PRIM2: variants seen among roughly 807,000 people sequenced by gnomAD.
PRIM2 encodes DNA primase large subunit.
Under a neutral mutation model 67.3 loss-of-function variants are expected in PRIM2, and 39 were observed. The ratio of observed to expected loss-of-function variants is 0.58; its 90% confidence interval spans 0.45 to 0.76. PRIM2 has a LOEUF of 0.76. PRIM2 is among the 30% of genes least tolerant of loss of function. The probability of loss-of-function intolerance (pLI) is 0.00; values close to 1 mark genes in which losing one functional copy is unlikely to be tolerated. For synonymous variants in PRIM2, 143 were observed against 198.7 expected (o/e 0.72, Z 2.36); for missense variants, 398 against 598.7 (o/e 0.66, Z 3.50).
At chr6:57,459,560 C>T (rs1248354114) in intron 7 of PRIM2, among the ~76,000 whole-genome samples, 4 of 152,060 alleles carry the variant, frequency 2.6e-5, no homozygotes, top group African/African-American at 7.2e-5. Context: ...TACAACATAC[C>T]TGGCTTATGA....
At chr6:57,332,891 T>C (rs1014559765) in intron 5 of PRIM2, among the ~76,000 whole-genome samples, 1 of 152,172 alleles carries the variant, frequency 6.6e-6, no homozygotes, top group Non-Finnish European at 1.5e-5. Flanking sequence ...TAACTTAGTA[T>C]TTCCGTGTGC....
At chr6:57,516,930 G>C (rs1200037976) in intron 8 of PRIM2, among the ~76,000 whole-genome samples, 31 of 152,146 alleles carry the variant, frequency 2.0e-4, no homozygotes, top group Admixed American at 1.5e-3. Flanking sequence ...TTATATGTGA[G>C]CACGTAGCAT....
intron 9 of PRIM2, among the ~76,000 whole-genome samples, chr6:57,533,565 T>G (rs1774935910): frequency 6.6e-6 from 1 of 152,252 alleles, no homozygotes; most frequent in African/African-American, 2.4e-5. Context: ...TTCTCAAAGA[T>G]GTCCCATCTT....
chr6:57,275,443 C>T, the PRIM2 span, among the ~76,000 whole-genome samples: 8 of 152,232 alleles, frequency 5.3e-5, no homozygotes, highest in South Asian at 4.2e-4. Context: ...GAGCCAAGAT[C>T]GTGCCATTGC....
intron 5 of PRIM2, among the ~76,000 whole-genome samples, chr6:57,358,745 A>C (rs5021202): frequency 1.3e-5 from 2 of 152,212 alleles, no homozygotes; most frequent in Non-Finnish European, 2.9e-5. Context: ...TATTTTCACT[A>C]TAAGTATTAT....
At chr6:57,637,676 G>C (rs1464075439) in intron 13 of PRIM2, among the ~76,000 whole-genome samples, 2 of 152,214 alleles carry the variant, frequency 1.3e-5, no homozygotes, top group Non-Finnish European at 2.9e-5. Context: ...TTAACTTAAT[G>C]AAATAAAGCA....
chr6:57,433,802 A>G (rs1456210885), intron 7 of PRIM2, among the ~76,000 whole-genome samples: 1 of 152,206 alleles, frequency 6.6e-6, no homozygotes, highest in East Asian at 1.9e-4. Context: ...ATGGTATAAA[A>G]GTCATTCAAA....
chr6:57,263,542 C>T, the PRIM2 span, among the ~76,000 whole-genome samples: 15 of 152,256 alleles, frequency 9.9e-5, no homozygotes, highest in East Asian at 9.6e-4. Flanking sequence ...CCATCAGTCA[C>T]AGTGGATTGA....
chr6:57,503,499 A>C (rs1195167865), intron 7 of PRIM2, among the ~76,000 whole-genome samples: 1 of 152,236 alleles, frequency 6.6e-6, no homozygotes, highest in Non-Finnish European at 1.5e-5. Flanking sequence ...GTACGATCCC[A>C]GCACTTTGGG....
chr6:57,505,606 C>T (rs1554347196), intron 7 of PRIM2, among the ~76,000 whole-genome samples: 3 of 152,124 alleles, frequency 2.0e-5, no homozygotes, highest in African/African-American at 7.2e-5. Context: ...GTGTGGTTAA[C>T]TTTCATTTTG....
At chr6:57,363,278 A>G (rs1160678713) in intron 5 of PRIM2, among the ~76,000 whole-genome samples, 2 of 152,192 alleles carry the variant, frequency 1.3e-5, no homozygotes, top group East Asian at 1.9e-4. Context: ...CTACTCATCT[A>G]CTGAAGAACC....
intron 7 of PRIM2, among the ~76,000 whole-genome samples, chr6:57,490,470 T>C (rs1773863390): frequency 6.6e-6 from 1 of 151,984 alleles, no homozygotes; most frequent in South Asian, 2.1e-4. Context: ...CTATTGAAAA[T>C]ATGAGGAGAT....
At chr6:57,428,723 T>C (rs1173737251) in intron 7 of PRIM2, among the ~76,000 whole-genome samples, 14 of 152,284 alleles carry the variant, frequency 9.2e-5, no homozygotes, top group African/African-American at 3.1e-4. Flanking sequence ...TATAAAGAGA[T>C]ATTTAAAAAC....
chr6:57,392,796 A>T lies in PRIM2; in HGVS notation c.693+10628A>T, dbSNP rs542225787. On this transcript the variant is annotated intron_variant, in intron 7 of 13. Coordinates refer to ENST00000615550, the MANE Select transcript of PRIM2 (RefSeq NM_000947.5). ...ACCCATCACCCGAGCAGTATACGCT[A>T]CACCATTATTTGTAGTCTTATTTTT... is the stretch of plus-strand genomic sequence containing the variant. 4.6e-5 allele frequency among the ~76,000 whole-genome samples: 7 copies of T among 152,086 alleles called. No individual in the cohort carries two copies. In the East Asian group the frequency reaches 1.4e-3, roughly 29 times the overall value.
At chr6:57,310,378 A>G (rs936491861), upstream of PRIM2, among the ~76,000 whole-genome samples, 17 of 152,270 alleles carry the variant, frequency 1.1e-4, no homozygotes, top group Non-Finnish European at 5.9e-5. Context: ...GTAAGGTTAT[A>G]GATTAACAGC....
At position 57,549,856 on chromosome 6, in the gene PRIM2, C is replaced by T. The variant is rs1447357869; in HGVS notation, c.1020+12231C>T. 6.6e-5 allele frequency among the ~76,000 whole-genome samples: 10 copies of T among 152,180 alleles called. No individual in the cohort carries two copies. The East Asian group carries it at 7.8e-4, about 12-fold the overall frequency. On this transcript the variant is annotated intron_variant, in intron 10 of 13. Coordinates refer to ENST00000615550, the MANE Select transcript of PRIM2 (RefSeq NM_000947.5). ...ATCCCAGCACTTTGGGAGGCCGAGG[C>T]GGGCAGATGACCTGAGGTCGGGAGT...
At chr6:57,637,017 A>G (rs1331550924) in intron 13 of PRIM2, among the ~76,000 whole-genome samples, 3 of 152,166 alleles carry the variant, frequency 2.0e-5, no homozygotes, top group Non-Finnish European at 4.4e-5. Flanking sequence ...TCCGGCTGGC[A>G]TCTGGTGGGT....
At chr6:57,262,601 C>T in the PRIM2 span, among the ~76,000 whole-genome samples, 4 of 152,256 alleles carry the variant, frequency 2.6e-5, no homozygotes, top group South Asian at 8.3e-4. Flanking sequence ...GAACACAGCA[C>T]ATGCCAAGGG....
chr6:57,607,618 C>A (rs1185012005), intron 12 of PRIM2, among the ~76,000 whole-genome samples: 1 of 151,994 alleles, frequency 6.6e-6, no homozygotes, highest in Non-Finnish European at 1.5e-5. Context: ...TAATAGGTAA[C>A]TTAAAGGAAG....
Sources: allele counts gnomAD v4.1 joint callset (sites outside exome capture counted in the v4.1 genomes callset), GRCh38; gene constraint gnomAD v4.1.1; transcripts MANE v1.5; gene names NCBI Gene and HGNC (gene_info 2026-07-23, HGNC 2026-07-21).